Variants in FHIT observed in about 807,000 individuals in gnomAD.
FHIT encodes fragile histidine triad diadenosine triphosphatase.
In FHIT, 19 loss-of-function variants were observed where a neutral mutation model predicts 17.9. The ratio of observed to expected loss-of-function variants is 1.06; its 90% CI spans 0.74 to 1.56. FHIT has a LOEUF of 1.56. Ranked by LOEUF, FHIT falls within the 40% of genes most tolerant of loss-of-function variation. The pLI is 0.00. For synonymous variants in FHIT, 81 were observed against 69.7 expected (o/e 1.16, Z -0.81); for missense variants, 248 against 189.2 (o/e 1.31, Z -1.82).
intron 7 of FHIT, among the ~76,000 whole-genome samples, chr3:59,945,420 A>G (rs1264279523): frequency 6.6e-6 from 1 of 151,996 alleles, no homozygotes; most frequent in African/African-American, 2.4e-5. Context: ...TGAATCTTAT[A>G]CTTTTGTCAG....
chr3:61,081,389 G>A (rs1171054989), intron 2 of FHIT, among the ~76,000 whole-genome samples: 1 of 152,152 alleles, frequency 6.6e-6, no homozygotes, highest in Non-Finnish European at 1.5e-5. Flanking sequence ...ACTGGTCAAG[G>A]AGATTTAGGT....
intron 4 of FHIT, among the ~76,000 whole-genome samples, chr3:60,659,945 T>G (rs1358571163): frequency 6.6e-6 from 1 of 152,178 alleles, no homozygotes; most frequent in Non-Finnish European, 1.5e-5. Flanking sequence ...TTTTTCATTC[T>G]GAATTGTTGT....
chr3:60,039,372 T>A (rs1321386181), intron 5 of FHIT, among the ~76,000 whole-genome samples: 1 of 152,200 alleles, frequency 6.6e-6, no homozygotes, highest in Non-Finnish European at 1.5e-5. Context: ...GACCAAAGGC[T>A]GTCAAAGTAA....
chr3:60,047,487 T>C (rs1027548778), intron 5 of FHIT, among the ~76,000 whole-genome samples: 2 of 152,198 alleles, frequency 1.3e-5, no homozygotes, highest in African/African-American at 2.4e-5. Context: ...GAAGGAGCCA[T>C]TGAAAACAAC....
chr3:60,329,147 T>A (rs1435249541), intron 5 of FHIT, among the ~76,000 whole-genome samples: 1 of 152,226 alleles, frequency 6.6e-6, no homozygotes, highest in African/African-American at 2.4e-5. Context: ...ATTAGAAGAA[T>A]AGACTGTTCA....
chr3:60,745,230 G>C (rs1409732221), intron 4 of FHIT, among the ~76,000 whole-genome samples: 6 of 152,236 alleles, frequency 3.9e-5, no homozygotes, highest in Non-Finnish European at 7.3e-5. Flanking sequence ...TAGATATGGG[G>C]TGGCAGATAA....
intron 4 of FHIT, among the ~76,000 whole-genome samples, chr3:60,771,722 C>A (rs1700048555): frequency 6.6e-6 from 1 of 152,142 alleles, no homozygotes; most frequent in Non-Finnish European, 1.5e-5. Context: ...TGTGTCAATT[C>A]CCATAGAATC....
chr3:59,982,944 G>A (rs936790128), intron 7 of FHIT, among the ~76,000 whole-genome samples: 1 of 151,850 alleles, frequency 6.6e-6, no homozygotes, highest in Non-Finnish European at 1.5e-5. Flanking sequence ...GCATTAGCCA[G>A]GATTCTTTTT....
At chr3:60,683,244 C>T (rs527420154) in intron 4 of FHIT, among the ~76,000 whole-genome samples, 60 of 152,262 alleles carry the variant, frequency 3.9e-4, no homozygotes, top group African/African-American at 1.4e-3. Flanking sequence ...AGGATTCACT[C>T]ATTTTGAAAG....
At chr3:60,738,095 C>T (rs558204093) in intron 4 of FHIT, among the ~76,000 whole-genome samples, 16 of 152,188 alleles carry the variant, frequency 1.1e-4, no homozygotes, top group Middle Eastern at 3.4e-3. Flanking sequence ...AATCAGAAGG[C>T]AGCAAGGAAT....
intron 5 of FHIT, among the ~76,000 whole-genome samples, chr3:60,145,687 C>T (rs1700211498): frequency 6.6e-6 from 1 of 152,108 alleles, no homozygotes; most frequent in Non-Finnish European, 1.5e-5. Context: ...TGACTATTAC[C>T]CTTACAATGA....
chr3:59,884,040 T>G (rs116279399), intron 8 of FHIT, among the ~76,000 whole-genome samples: 2,417 of 152,308 alleles, frequency 0.016, 28 homozygotes, highest in South Asian at 0.021. Flanking sequence ...TCAACCAATA[T>G]TCATGTCTGA....
chr3:60,301,629 T>C (rs1385579855), intron 5 of FHIT, among the ~76,000 whole-genome samples: 1 of 152,210 alleles, frequency 6.6e-6, no homozygotes, highest in East Asian at 1.9e-4. Flanking sequence ...TTGGTTCACC[T>C]TTGCAACAGC....
intron 5 of FHIT, among the ~76,000 whole-genome samples, chr3:60,310,047 CA>C (rs1452124504): frequency 1.3e-5 from 2 of 152,142 alleles, no homozygotes; most frequent in Non-Finnish European, 2.9e-5. Flanking sequence ...TGTCTGGAAT[CA>C]GGTCATGCAG....
At chr3:60,268,818 G>C (rs1706717281) in intron 5 of FHIT, among the ~76,000 whole-genome samples, 1 of 152,002 alleles carries the variant, frequency 6.6e-6, no homozygotes, top group Non-Finnish European at 1.5e-5. Flanking sequence ...TAATCTGCTG[G>C]CCTTAAGGCA....
chr3:60,302,379 C>T (rs1708490325), intron 5 of FHIT, among the ~76,000 whole-genome samples: 1 of 152,046 alleles, frequency 6.6e-6, no homozygotes, highest in African/African-American at 2.4e-5. Context: ...AGGCCTACTC[C>T]AACCCTGCAT....
intron 8 of FHIT, among the ~76,000 whole-genome samples, chr3:59,905,219 C>T (rs982009200): frequency 6.6e-6 from 1 of 152,148 alleles, no homozygotes; most frequent in Non-Finnish European, 1.5e-5. Context: ...TCAGCCCAGC[C>T]AAGAATAGCA....
At chr3:60,519,734 T>A in intron 5 of FHIT, among the ~76,000 whole-genome samples, 1 of 152,202 alleles carries the variant, frequency 6.6e-6, no homozygotes, top group East Asian at 1.9e-4. Context: ...TTTAACCTTT[T>A]CTTGTAACAT....
chr3:60,312,545 C>T (rs1283085686), intron 5 of FHIT, among the ~76,000 whole-genome samples: 1 of 152,128 alleles, frequency 6.6e-6, no homozygotes, highest in Non-Finnish European at 1.5e-5. Flanking sequence ...AGTGTTTTTG[C>T]AAAGTTTAGT....
Sources: allele counts gnomAD v4.1 joint callset (sites outside exome capture counted in the v4.1 genomes callset), GRCh38; gene constraint gnomAD v4.1.1; transcripts MANE v1.5; gene names NCBI Gene and HGNC (gene_info 2026-07-23, HGNC 2026-07-21).